Variants in LANCL2 observed in about 807,000 individuals in gnomAD.
LANCL2 encodes the protein lanC-like protein 2.
A neutral mutation model predicts 56.9 loss-of-function variants in LANCL2; 33 were observed. The observed-to-expected ratio is 0.58, with a 90% CI of 0.44 to 0.78. The LOEUF is 0.78. Among genes scored for constraint, LANCL2 ranks in the 30% least tolerant of loss-of-function variants. The pLI is 0.00. For missense variants in LANCL2, 562 were observed against 580.2 expected, an observed-to-expected ratio of 0.97 and a Z score of 0.32; for synonymous variants, 233 against 228.2, an observed-to-expected ratio of 1.02 and a Z score of -0.19.
At position 55,433,114 on chromosome 7, in the gene LANCL2, G is replaced by C. The variant is rs1790750237; in HGVS notation, c.*1794G>C. ...CCCCATTTCTCAAGGGAAGCCAGTA[G>C]GCAACACAGCCAGCACGGTGCTCTC... On this transcript the variant is annotated 3_prime_UTR_variant, in exon 9 of 9. Transcript: ENST00000254770. 1 of 152,446 alleles carries C rather than the reference G, an allele frequency of 6.6e-6. No individual in the cohort carries two copies. 9.4% of individuals were successfully genotyped at this position (152,446 alleles called of 1,614,324 possible).
At chr7:55,382,715 G>A (rs1185758109) in intron 1 of LANCL2, among the ~76,000 whole-genome samples, 1 of 152,120 alleles carries the variant, frequency 6.6e-6, no homozygotes, top group Non-Finnish European at 1.5e-5. Flanking sequence ...GCACCAGCTG[G>A]TGCATCAGAA....
In LANCL2 at chr7:55,412,101, C is replaced by T. The variant is rs761974760; in HGVS notation, c.1008+12C>T. ...TGCAGGCGTACAAGGTCAGTGCTTC[C>T]GCCGTCACGGCCGTCCCCTGTGTGG... On this transcript the variant is annotated intron_variant, in intron 6 of 8. Transcript: ENST00000254770. The T allele has an allele frequency of 2.4e-5, 38 of 1,605,886 alleles. No homozygotes were observed. The highest frequency in any genetic ancestry group is 1.7e-4 in the Middle Eastern group (1 of 5,892).
At chr7:55,366,853 T>C (rs888286540) in intron 1 of LANCL2, among the ~76,000 whole-genome samples, 6 of 152,290 alleles carry the variant, frequency 3.9e-5, no homozygotes. Flanking sequence ...CAAATACTTT[T>C]GTGCTAGGCA....
chr7:55,383,180 T>G (rs1790087811), intron 1 of LANCL2, among the ~76,000 whole-genome samples: 1 of 152,178 alleles, frequency 6.6e-6, no homozygotes, highest in Non-Finnish European at 1.5e-5. Context: ...CACGCTGATA[T>G]AGATAACATG....
chr7:55,384,630 A>G (rs920686612), intron 1 of LANCL2, among the ~76,000 whole-genome samples: 2 of 152,192 alleles, frequency 1.3e-5, no homozygotes, highest in South Asian at 4.1e-4. Context: ...ATAAACACAA[A>G]GAAGCCCAAA....
intron 1 of LANCL2, among the ~76,000 whole-genome samples, chr7:55,375,789 A>G (rs1789993909): frequency 2.6e-5 from 4 of 152,168 alleles, no homozygotes; most frequent in African/African-American, 9.7e-5. Context: ...TTCCCAGCTC[A>G]TTGAAGCTGT....
At chr7:55,369,982 T>A (rs1789924865) in intron 1 of LANCL2, among the ~76,000 whole-genome samples, 2 of 152,166 alleles carry the variant, frequency 1.3e-5, no homozygotes, top group African/African-American at 4.8e-5. Context: ...TTATAAACAC[T>A]TACGATCTCA....
intron 7 of LANCL2, 155 bp from the exon 8 acceptor site, chr7:55,428,219 CT>C (rs1790686481): frequency 3.0e-6 from 2 of 661,026 alleles, no homozygotes; most frequent in Non-Finnish European, 5.4e-6. Flanking sequence ...GGCCTCACCC[CT>C]GGAAGAGGGG....
chr7:55,425,356 G>A lies in LANCL2; in HGVS notation c.1111G>A (p.Ala371Thr). The change falls in exon 7 of 9, where the codon GCT becomes ACT. Residue 371 changes from alanine to threonine, a missense_variant. Ala to Thr is a moderately conservative substitution (Grantham distance 58). Coordinates refer to ENST00000254770, the MANE Select transcript of LANCL2 (RefSeq NM_018697.4). The part of the protein sequence containing the change: ...RKGYGICHGT[A>T]GNGYSFLSLY... Reference sequence around the variant, plus strand: ...GGGCTACGGGATATGCCATGGGACTGCTGGCAACGGCTATTCCTTCCTGTC... The same window carrying A: ...GGGCTACGGGATATGCCATGGGACTACTGGCAACGGCTATTCCTTCCTGTC... The A allele has an allele frequency of 1.2e-6, 2 of 1,614,172 alleles. No individual in the cohort carries two copies. The highest frequency in any genetic ancestry group is 1.7e-6 in the Non-Finnish European group (2 of 1,180,010).
chr7:55,376,738 A>AT (rs1790007602), intron 1 of LANCL2, among the ~76,000 whole-genome samples: 1 of 152,240 alleles, frequency 6.6e-6, no homozygotes, highest in Admixed American at 6.5e-5. Context: ...CTAGTCAGGC[A>AT]TTTATTATAT....
Position 55,398,547 on chromosome 7 carries a change from T to C in LANCL2, c.447T>C (p.Cys149=). ...ATGGCCGCAGGGTCACCTTCCTCTG[T>C]GGGGATGCTGGCCCCCTGGCTGTTG... ...NLNGRRVTFL[C]GDAGPLAVGA... is the part of the protein sequence containing the mutation. The change falls in exon 3 of 9, where the codon TGT becomes TGC. Residue 149 remains cysteine (C), a synonymous_variant. Transcript: ENST00000254770. 1 of 1,614,180 alleles carries C rather than the reference T, an allele frequency of 6.2e-7. No homozygotes were observed. The highest frequency in any genetic ancestry group is 8.5e-7 in the Non-Finnish European group (1 of 1,180,014).
intron 1 of LANCL2, among the ~76,000 whole-genome samples, chr7:55,377,942 A>C (rs1284996931): frequency 2.0e-5 from 3 of 152,230 alleles, no homozygotes; most frequent in Non-Finnish European, 4.4e-5. Context: ...ATATAGAATC[A>C]AGCAAAAAAT....
rs560182197 is a variant in LANCL2, at chr7:55,375,746, C to G, written c.204+9517C>G. Among the ~76,000 whole-genome samples the G allele has an allele frequency of 8.5e-5, 13 of 152,300 alleles. No homozygotes were observed. In the South Asian group the frequency reaches 2.7e-3, roughly 32 times the overall value. ...AAAGTCAAAGCATCTTCAAGGCTGC[C>G]TTCTCTCCTGGAGGCCCTGAGGGTG... On this transcript the variant is annotated intron_variant, in intron 1 of 8. Coordinates refer to ENST00000254770, the MANE Select transcript of LANCL2 (RefSeq NM_018697.4).
intron 1 of LANCL2, among the ~76,000 whole-genome samples, chr7:55,391,216 C>T (rs1790185625): frequency 6.6e-6 from 1 of 151,718 alleles, no homozygotes; most frequent in Admixed American, 6.6e-5. Context: ...GACGGGGTTT[C>T]ACTGTGTTAG....
intron 6 of LANCL2, among the ~76,000 whole-genome samples, chr7:55,419,854 TA>T (rs1790589973): frequency 6.6e-6 from 1 of 152,306 alleles, no homozygotes; most frequent in African/African-American, 2.4e-5. Flanking sequence ...CTTTTCTTTT[TA>T]AAACTTCCTT....
intron 6 of LANCL2, among the ~76,000 whole-genome samples, chr7:55,414,391 G>A (rs941183383): frequency 1.3e-5 from 2 of 152,100 alleles, no homozygotes; most frequent in African/African-American, 2.4e-5. Flanking sequence ...AATTAGGTAG[G>A]AAATGTTCAA....
At chr7:55,395,802 G>C (rs192577382) in intron 2 of LANCL2, among the ~76,000 whole-genome samples, 60 of 152,334 alleles carry the variant, frequency 3.9e-4, no homozygotes, top group Non-Finnish European at 7.3e-4. Context: ...GGCGAAACAG[G>C]TGGATGCCGA....
At chr7:55,416,358 T>C (rs1790539268) in intron 6 of LANCL2, among the ~76,000 whole-genome samples, 1 of 152,094 alleles carries the variant, frequency 6.6e-6, no homozygotes, top group Non-Finnish European at 1.5e-5. Flanking sequence ...GGATCTTGGC[T>C]CACTGTAGCC....
At position 55,432,981 on chromosome 7, in the gene LANCL2, T is replaced by C. The variant is rs1269868313; in HGVS notation, c.*1661T>C. ...AATGAGCTGAGGGTAGCTGCTTTGCTGAAGACCTCACACGATGTCCAATCT... is the reference window on the plus strand; with the variant it reads ...AATGAGCTGAGGGTAGCTGCTTTGCCGAAGACCTCACACGATGTCCAATCT... On this transcript the variant is annotated 3_prime_UTR_variant, in exon 9 of 9. Coordinates refer to ENST00000254770, the MANE Select transcript of LANCL2 (RefSeq NM_018697.4). The C allele has an allele frequency of 6.6e-6, 1 of 152,256 alleles. No individual in the cohort carries two copies. Among genetic ancestry groups the C allele is most frequent in the Non-Finnish European group, 1.5e-5 (1 of 68,052 alleles). The allele number at this position is 152,256 out of a possible 1,614,324, so 9.4% of individuals were successfully genotyped here.
Sources: allele counts gnomAD v4.1 joint callset (sites outside exome capture counted in the v4.1 genomes callset), GRCh38; gene constraint gnomAD v4.1.1; transcripts MANE v1.5; gene names NCBI Gene and HGNC (gene_info 2026-07-23, HGNC 2026-07-21).